MGAM2: variants seen among roughly 807,000 people sequenced by gnomAD.
MGAM2 encodes maltase-glucoamylase 2 (putative).
In MGAM2, 98 loss-of-function variants were observed where a neutral mutation model predicts 96.1. That is an observed-to-expected ratio of 1.02 (90% confidence interval 0.87 to 1.21). The LOEUF (loss-of-function observed/expected upper bound fraction) is 1.21. Among genes scored for constraint, MGAM2 ranks in the 50% most tolerant of loss-of-function variants. MGAM2 has a pLI of 0.00. For synonymous variants in MGAM2, 749 were observed against 414.8 expected (o/e 1.81, Z -9.79); for missense variants, 2,055 against 1,182.4 (o/e 1.74, Z -10.82).
At chr7:142,120,844 T>C (rs1794547526) in intron 3 of MGAM2, among the ~76,000 whole-genome samples, 1 of 152,176 alleles carries the variant, frequency 6.6e-6, no homozygotes, top group African/African-American at 2.4e-5. Context: ...AAGAGCCCTC[T>C]GGATTATGTT....
At chr7:142,158,599 T>G (rs1795803943) in intron 19 of MGAM2, among the ~76,000 whole-genome samples, 1 of 152,162 alleles carries the variant, frequency 6.6e-6, no homozygotes, top group African/African-American at 2.4e-5. Flanking sequence ...ACAATGGCTT[T>G]AAATACTTTG....
chr7:142,162,254 A>G (rs535430102), intron 23 of MGAM2, among the ~76,000 whole-genome samples: 11 of 151,910 alleles, frequency 7.2e-5, no homozygotes, highest in African/African-American at 2.7e-4. Flanking sequence ...TTTGAGTTTT[A>G]TGTGATGGGT....
intron 46 of MGAM2, among the ~76,000 whole-genome samples, chr7:142,214,956 T>C (rs537600424): frequency 6.6e-5 from 10 of 152,332 alleles, no homozygotes; most frequent in African/African-American, 2.4e-4. Context: ...ACTGGGTATA[T>C]ACCCAAAGGG....
intron 46 of MGAM2, among the ~76,000 whole-genome samples, chr7:142,217,776 GT>G (rs1309723197): frequency 6.6e-6 from 1 of 152,172 alleles, no homozygotes; most frequent in East Asian, 1.9e-4. Context: ...TATTTGAAAT[GT>G]TTCCAACACG....
chr7:142,117,488 C>G (rs1817453206), intron 2 of MGAM2, among the ~76,000 whole-genome samples: 1 of 152,180 alleles, frequency 6.6e-6, no homozygotes, highest in Admixed American at 6.5e-5. Flanking sequence ...AATGCCTTCT[C>G]TTTCACGCAC....
At chr7:142,130,816 C>T (rs966056491) in intron 3 of MGAM2, 132 bp from the exon 4 acceptor site, 2 of 584,336 alleles carry the variant, frequency 3.4e-6, no homozygotes, top group African/African-American at 1.9e-5. Flanking sequence ...AAATAAAGAA[C>T]AAATAAATTA....
rs11289054 is a variant in MGAM2 at position 142,137,216 on chromosome 7, TAA to T, written c.848-205_848-204del. Reference sequence around the variant, plus strand: ...AAATACAATTTGTTCTTCTTTATCTTAAAAAAAAAAAAACAAAACTCAATTCT... The same window carrying T: ...AAATACAATTTGTTCTTCTTTATCTTAAAAAAAAAAACAAAACTCAATTCT... On this transcript the variant is annotated intron_variant, in intron 8 of 47. Coordinates refer to ENST00000477922, the MANE Select transcript of MGAM2 (RefSeq NM_001293626.2). 5.4e-4 allele frequency among the ~76,000 whole-genome samples: 79 copies of T among 145,506 alleles called. 2 individuals carry two copies. The South Asian group carries it at 6.3e-3, about 12-fold the overall frequency.
chr7:142,192,064 T>C (rs1202674628), intron 37 of MGAM2, among the ~76,000 whole-genome samples: 2 of 152,292 alleles, frequency 1.3e-5, no homozygotes, highest in Non-Finnish European at 2.9e-5. Flanking sequence ...TCTTTTCTGT[T>C]CAACTGCCCC....
intron 12 of MGAM2, among the ~76,000 whole-genome samples, chr7:142,142,161 C>T (rs1352637254): frequency 6.6e-6 from 1 of 151,670 alleles, no homozygotes; most frequent in Non-Finnish European, 1.5e-5. Flanking sequence ...ATTCTATTTA[C>T]TTTTTTTTCA....
chr7:142,173,061 C>T (rs1796247161), intron 30 of MGAM2, among the ~76,000 whole-genome samples, 168 bp from the exon 31 acceptor site: 2 of 152,182 alleles, frequency 1.3e-5, no homozygotes, highest in South Asian at 4.1e-4. Flanking sequence ...ACGTTTCTAT[C>T]ATTTTGCATG....
In MGAM2 at chr7:142,138,552, G is replaced by A. The variant is rs1173250931; in HGVS notation, c.971G>A (p.Arg324Gln). Reference sequence around the variant, plus strand: ...TACTTATCTTTTCAGCTTGTTGGACGGCCATTCTTCCCTCCCTATTGGAGT... The same window carrying A: ...TACTTATCTTTTCAGCTTGTTGGACAGCCATTCTTCCCTCCCTATTGGAGT... ...VVQEYLELVGRPFFPPYWSLG... is the reference protein window; with the variant it reads ...VVQEYLELVGQPFFPPYWSLG... The change falls in exon 10 of 48, where the codon CGG (arginine) becomes CAG (glutamine). Residue 324 changes from arginine to glutamine, a missense_variant. Transcript: ENST00000477922. 1.0e-5 allele frequency: 7 copies of A among 702,778 alleles called. No homozygotes were observed. Among genetic ancestry groups the A allele is most frequent in the South Asian group, 1.5e-5 (1 of 67,490 alleles). 43.5% of individuals were successfully genotyped at this position (702,778 alleles called of 1,614,324 possible).
In MGAM2 at chr7:142,166,139, A is replaced by G. The variant is rs1207318646; in HGVS notation, c.2694A>G (p.Gln898=). ...ATCTCCAAGGACTGGTACTGGGACA[A>G]GAATTCTCTATTAGGTGGAATCTTC... ...ITDLQGLVLG[Q]EFSIRWNLPV... Residue 898 remains glutamine (Q), a synonymous_variant, in exon 25 of 48, where the codon CAA becomes CAG. Transcript: ENST00000477922. 2.8e-6 allele frequency: 2 copies of G among 702,196 alleles called. No homozygotes were observed. Among genetic ancestry groups the G allele is most frequent in the African/African-American group, 3.5e-5 (2 of 57,244 alleles). 43.5% of individuals were successfully genotyped at this position (702,196 alleles called of 1,614,324 possible). A position where few individuals can be genotyped will look rare whatever the true frequency, so the allele number is the denominator to read the frequency against.
chr7:142,149,160 C>T (rs1405492033), intron 15 of MGAM2, among the ~76,000 whole-genome samples: 3 of 151,476 alleles, frequency 2.0e-5, no homozygotes, highest in Admixed American at 1.3e-4. Context: ...ACCCGGGAGA[C>T]GGAGGTTGCA....
Position 142,219,858 on chromosome 7 carries a change from C to T in MGAM2, c.5359-12C>T, listed in dbSNP as rs1024618856. ...TCTAAAATACCCATTTATATCTCTT[C>T]TTTTCTGGCAGATACTAACTATTCA... On this transcript the variant is annotated splice_polypyrimidine_tract_variant and intron_variant, in intron 47 of 47. Coordinates refer to ENST00000477922, the MANE Select transcript of MGAM2 (RefSeq NM_001293626.2). 2.9e-6 allele frequency: 2 copies of T among 685,758 alleles called. No homozygotes were observed. Among genetic ancestry groups the T allele is most frequent in the Admixed American group, 4.1e-5 (2 of 48,488 alleles). 42.5% of individuals were successfully genotyped at this position (685,758 alleles called of 1,614,324 possible).
chr7:142,128,591 C>G (rs991159448), intron 3 of MGAM2, among the ~76,000 whole-genome samples: 6 of 152,162 alleles, frequency 3.9e-5, no homozygotes, highest in African/African-American at 1.4e-4. Flanking sequence ...GGTCCTGTGT[C>G]CCAGCAGCTC....
chr7:142,145,499 A>G (rs1161738421), intron 14 of MGAM2, among the ~76,000 whole-genome samples: 1 of 151,932 alleles, frequency 6.6e-6, no homozygotes, highest in East Asian at 1.9e-4. Context: ...ATTTCTAGTC[A>G]AGGTCAATTT....
intron 34 of MGAM2, among the ~76,000 whole-genome samples, chr7:142,185,787 C>G (rs181483307): frequency 6.6e-6 from 1 of 152,178 alleles, no homozygotes; most frequent in Non-Finnish European, 1.5e-5. Flanking sequence ...GATTATAAAG[C>G]TATCTAACCT....
intron 46 of MGAM2, among the ~76,000 whole-genome samples, chr7:142,213,302 G>A (rs1797650186): frequency 6.6e-6 from 1 of 151,926 alleles, no homozygotes; most frequent in African/African-American, 2.4e-5. Flanking sequence ...GCTAGCAGAA[G>A]ACAAAAAATA....
chr7:142,145,892 A>G (rs1795368221), intron 14 of MGAM2, among the ~76,000 whole-genome samples: 1 of 152,192 alleles, frequency 6.6e-6, no homozygotes, highest in South Asian at 2.1e-4. Flanking sequence ...ATATTTCCAG[A>G]AAGAGAACAC....
Sources: allele counts gnomAD v4.1 joint callset (sites outside exome capture counted in the v4.1 genomes callset), GRCh38; gene constraint gnomAD v4.1.1; transcripts MANE v1.5; gene names NCBI Gene and HGNC (gene_info 2026-07-23, HGNC 2026-07-21).